PRICKLE1: variants seen among roughly 807,000 people sequenced by gnomAD.
The protein encoded by PRICKLE1 is prickle-like protein 1.
A neutral mutation model predicts 70.2 loss-of-function variants in PRICKLE1; 14 were observed. That is an observed-to-expected ratio of 0.20 (90% CI 0.13 to 0.31). The LOEUF (loss-of-function observed/expected upper bound fraction) is 0.31, where lower values mean the gene tolerates loss of function less well. PRICKLE1 is among the 10% of genes least tolerant of loss of function. PRICKLE1 has a pLI of 1.00. For missense variants in PRICKLE1, 821 were observed against 1,026.2 expected (o/e 0.80, Z 2.73); for synonymous variants, 357 against 379.9 (o/e 0.94, Z 0.70).
At chr12:42,540,713 C>T (rs1303734658) in intron 1 of PRICKLE1, among the ~76,000 whole-genome samples, 1 of 152,086 alleles carries the variant, frequency 6.6e-6, no homozygotes, top group Non-Finnish European at 1.5e-5. Flanking sequence ...CAGGTATGCA[C>T]CACCACGCTG....
intron 1 of PRICKLE1, among the ~76,000 whole-genome samples, chr12:42,508,909 G>A (rs879277109): frequency 2.0e-5 from 3 of 152,128 alleles, no homozygotes; most frequent in Non-Finnish European, 4.4e-5. Context: ...AGTTCTTTTG[G>A]CTATGAAATC....
In PRICKLE1 at chr12:42,457,469, A is replaced by T. The variant is rs546139033; in HGVS notation, c.*2340T>A. The T allele has an allele frequency of 1.2e-3, 188 of 152,350 alleles. No homozygotes were observed. The highest frequency in any genetic ancestry group is 4.3e-3 in the African/African-American group (180 of 41,562). 9.4% of individuals were successfully genotyped at this position (152,350 alleles called of 1,614,324 possible). On this transcript the variant is annotated 3_prime_UTR_variant, in exon 8 of 8. Transcript: ENST00000345127. ...TCAAAATCAAGAAATCTGCTAATAC[A>T]TTGAGAGGTTGTGATGGAACAAACA...
intron 1 of PRICKLE1, among the ~76,000 whole-genome samples, chr12:42,550,899 GCTGAACTCTAAAATC>G (rs1190849358): frequency 6.6e-6 from 1 of 152,166 alleles, no homozygotes; most frequent in Non-Finnish European, 1.5e-5. Context: ...AAGTACTAGG[GCTGAACTCTAAAATC>G]CTCAACTTTT....
rs1380593994 is a variant in PRICKLE1 at position 42,483,252 on chromosome 12, C to T, written c.-48-10688G>A. ...ACGGTGGGGCCGAGCAGCCACGGGT[C>T]CCCACGTCTGTCCCTCAGCTTCCAA... is the stretch of plus-strand genomic sequence containing the variant. On this transcript the variant is annotated intron_variant, in intron 1 of 7. Coordinates refer to ENST00000345127, the MANE Select transcript of PRICKLE1 (RefSeq NM_153026.3). 2.6e-5 allele frequency: 4 copies of T among 152,584 alleles called. No individual in the cohort carries two copies. The East Asian group carries it at 7.8e-4, about 30-fold the overall frequency. The allele number at this position is 152,584 out of a possible 1,614,324, so 9.5% of individuals were successfully genotyped here. A position where few individuals can be genotyped will look rare whatever the true frequency, so the allele number is the denominator to read the frequency against.
At chr12:42,469,801 G>T (rs1483950829) in intron 3 of PRICKLE1, 4 of 609,346 alleles carry the variant, frequency 6.6e-6, no homozygotes, top group Non-Finnish European at 1.1e-5. Flanking sequence ...TTTTAAATAA[G>T]AAATGTTTAA....
chr12:42,568,475 C>T (rs1266251005), intron 1 of PRICKLE1, among the ~76,000 whole-genome samples: 1 of 152,126 alleles, frequency 6.6e-6, no homozygotes, highest in South Asian at 2.1e-4. Flanking sequence ...ATGCCCAGCC[C>T]GCATTATTTT....
intron 1 of PRICKLE1, among the ~76,000 whole-genome samples, chr12:42,534,669 T>C (rs1415791678): frequency 6.6e-6 from 1 of 152,190 alleles, no homozygotes; most frequent in African/African-American, 2.4e-5. Context: ...CTGCTGACTC[T>C]GGAGTCAGGA....
At chr12:42,502,205 C>CTA (rs905987195) in intron 1 of PRICKLE1, among the ~76,000 whole-genome samples, 15 of 146,760 alleles carry the variant, frequency 1.0e-4, no homozygotes, top group Non-Finnish European at 2.1e-4. Flanking sequence ...ACACACACAC[C>CTA]TATATATATA....
intron 1 of PRICKLE1, among the ~76,000 whole-genome samples, chr12:42,573,654 C>CAAT (rs1940758955): frequency 6.6e-6 from 1 of 152,002 alleles, no homozygotes; most frequent in Non-Finnish European, 1.5e-5. Context: ...ACTACGGCCT[C>CAAT]CATCTCCCAG....
chr12:42,582,772 T>G lies in PRICKLE1; in HGVS notation c.-49+6693A>C, dbSNP rs139828125. On this transcript the variant is annotated intron_variant, in intron 1 of 7. Transcript: ENST00000345127. ...CTTTGAATGTGGTCCAACACAGATTTGTAAACTTTCTTAAAACATTATGAG... is the reference window on the plus strand; with the variant it reads ...CTTTGAATGTGGTCCAACACAGATTGGTAAACTTTCTTAAAACATTATGAG... Among the ~76,000 whole-genome samples the G allele has an allele frequency of 2.2e-3, 329 of 152,358 alleles. 1 individual carries two copies. The highest frequency in any genetic ancestry group is 7.4e-3 in the African/African-American group (308 of 41,584).
In PRICKLE1 at chr12:42,472,701, C is replaced by T. The variant is rs113411095; in HGVS notation, c.-48-137G>A. 107 of 702,130 alleles carry T rather than the reference C, an allele frequency of 1.5e-4. No homozygotes were observed. The East Asian group carries it at 2.9e-3, about 19-fold the overall frequency. 43.5% of individuals were successfully genotyped at this position (702,130 alleles called of 1,614,324 possible). A position where few individuals can be genotyped will look rare whatever the true frequency, so the allele number is the denominator to read the frequency against. ...AGTAACCAAATTACTACTGTCACCA[C>T]CCCCAGGCCCCAGGCCCCCTGAAAT... On this transcript the variant is annotated intron_variant, in intron 1 of 7. Coordinates refer to ENST00000345127, the MANE Select transcript of PRICKLE1 (RefSeq NM_153026.3).
chr12:42,513,175 T>C (rs1027957595), intron 1 of PRICKLE1, among the ~76,000 whole-genome samples: 1 of 152,142 alleles, frequency 6.6e-6, no homozygotes, highest in African/African-American at 2.4e-5. Flanking sequence ...TTGGTCAGGC[T>C]GGTGTCGAAC....
chr12:42,499,595 A>G (rs1466101791), intron 1 of PRICKLE1, among the ~76,000 whole-genome samples: 1 of 151,848 alleles, frequency 6.6e-6, no homozygotes. Context: ...TCATTTTTGT[A>G]TTTTTAGTAG....
intron 1 of PRICKLE1, among the ~76,000 whole-genome samples, chr12:42,508,583 T>C (rs1939459351): frequency 6.6e-6 from 1 of 152,220 alleles, no homozygotes; most frequent in African/African-American, 2.4e-5. Flanking sequence ...CATAAATAGC[T>C]TTATTTCTTA....
chr12:42,506,107 C>A (rs2708039), intron 1 of PRICKLE1, among the ~76,000 whole-genome samples: 1 of 151,894 alleles, frequency 6.6e-6, no homozygotes, highest in Non-Finnish European at 1.5e-5. Flanking sequence ...TATCAAGCAC[C>A]CATGTTGCTG....
Position 42,464,630 on chromosome 12 carries a change from C to A in PRICKLE1, c.1404G>T (p.Gln468His). The change falls in exon 7 of 8, where the codon CAG becomes CAT. Residue 468 changes from glutamine (Q) to histidine (H), a missense_variant. Coordinates refer to ENST00000345127, the MANE Select transcript of PRICKLE1 (RefSeq NM_153026.3). This position sits in a 1 kb window ranked among gnomAD's most constrained non-coding sequence, Gnocchi z 4.2. The stretch of plus-strand genomic sequence containing the variant: ...GTGACTGTGCCCAGTACATATCAGA[C>A]TGGTATTTTTTACTTGCAAGGCTCT... ...NNQSLASKKY[Q>H]SDMYWAQSQD... 6.2e-7 allele frequency: 1 copy of A among 1,613,986 alleles called. No individual in the cohort carries two copies. Among genetic ancestry groups the A allele is most frequent in the East Asian group, 2.2e-5 (1 of 44,864 alleles).
intron 7 of PRICKLE1, among the ~76,000 whole-genome samples, chr12:42,463,145 G>C (rs1937925625): frequency 6.6e-6 from 1 of 150,646 alleles, no homozygotes; most frequent in Non-Finnish European, 1.5e-5. Flanking sequence ...ACAAAAATTA[G>C]CTGGGCGTGG....
chr12:42,480,938 G>C (rs939850677), intron 1 of PRICKLE1, among the ~76,000 whole-genome samples: 1 of 152,212 alleles, frequency 6.6e-6, no homozygotes, highest in African/African-American at 2.4e-5. Context: ...GATTAATATG[G>C]TAGTGATGGT....
chr12:42,543,769 C>T lies in PRICKLE1; in HGVS notation c.-49+45696G>A, dbSNP rs190794589. Among the ~76,000 whole-genome samples, 387 of 152,282 alleles carry T rather than the reference C, an allele frequency of 2.5e-3. 2 individuals are homozygous for T. Among genetic ancestry groups the T allele is most frequent in the African/African-American group, 8.7e-3 (362 of 41,564 alleles). On this transcript the variant is annotated intron_variant, in intron 1 of 7. Transcript: ENST00000345127. ...ATCTCCTGACCTCGTTATCTGCCTG[C>T]CTCAGCCTCCCAAAGTGCTGGGATT...
Sources: gnomAD v4.1 joint callset for allele counts (sites outside exome capture counted in the v4.1 genomes callset) on GRCh38, gnomAD v4.1.1 for gene constraint, Gnocchi (gnomAD v3.1) non-coding constraint, MANE v1.5 for transcripts, NCBI Gene and HGNC (gene_info 2026-07-23, HGNC 2026-07-21) for gene names.